The following HSP90AA1 variants were observed in gnomAD, a reference collection of about 807,000 sequenced individuals.
HSP90AA1 encodes the protein heat shock protein HSP 90-alpha.
A neutral mutation model predicts 73.3 loss-of-function variants in HSP90AA1; 18 were observed. The ratio of observed to expected loss-of-function variants is 0.25; its 90% CI spans 0.17 to 0.36. The LOEUF is 0.36. Ranked by LOEUF, HSP90AA1 falls within the 10% of genes least tolerant of loss-of-function variation. The pLI is 1.00. For synonymous variants in HSP90AA1, 477 were observed against 296.9 expected, an observed-to-expected ratio of 1.61 and a Z score of -6.24; for missense variants, 704 against 874.2, an observed-to-expected ratio of 0.81 and a Z score of 2.45.
Position 102,082,171 on chromosome 14 carries a change from T to C in HSP90AA1, c.2029A>G (p.Ser677Gly). The change falls in exon 10 of 11, where the codon AGT becomes GGT. Residue 677 changes from serine (S) to glycine (G), a missense_variant. Physicochemically the swap from Ser to Gly is moderately conservative, Grantham distance 56 (BLOSUM62 0). Coordinates refer to ENST00000216281, the MANE Select transcript of HSP90AA1 (RefSeq NM_005348.4). The part of the protein sequence containing the change: ...YETALLSSGF[S>G]LEDPQTHANR... The stretch of plus-strand genomic sequence containing the variant: ...GCATGTGTCTGGGGATCTTCCAGAC[T>C]GAAGCCAGAAGACAGGAGCGCAGTT... 6.2e-7 allele frequency: 1 copy of C among 1,613,992 alleles called. No individual in the cohort carries two copies. Among genetic ancestry groups the C allele is most frequent in the Non-Finnish European group, 8.5e-7 (1 of 1,179,838 alleles).
At position 102,083,020 on chromosome 14, in the gene HSP90AA1, C is replaced by G. The variant is rs570441838; in HGVS notation, c.1755+14G>C. 1 of 1,610,994 alleles carries G rather than the reference C, an allele frequency of 6.2e-7. No homozygotes were observed. Among genetic ancestry groups the G allele is most frequent in the East Asian group, 2.2e-5 (1 of 44,876 alleles). ...TAGAAGTATCAATGATCAGGAAATG[C>G]TGTATTCACATACCTTTTCAACTTT... On this transcript the variant is annotated intron_variant, in intron 9 of 10. Coordinates refer to ENST00000216281, the MANE Select transcript of HSP90AA1 (RefSeq NM_005348.4).
In HSP90AA1 at chr14:102,085,804, A is replaced by C. The variant is rs772787983; in HGVS notation, c.483T>G (p.Ala161=). ...ITKHNDDEQY[A]WESSAGGSFT... is the part of the protein sequence containing the mutation. Reference sequence around the variant, plus strand: ...ATGATCCCCCTGCTGAGGACTCCCAAGCGTACTGCTCATCATCGTTATGTT... The same window carrying C: ...ATGATCCCCCTGCTGAGGACTCCCACGCGTACTGCTCATCATCGTTATGTT... The change falls in exon 3 of 11, where the codon GCT becomes GCG. Residue 161 remains alanine, a synonymous_variant. Transcript: ENST00000216281. The C allele has an allele frequency of 6.2e-7, 1 of 1,613,932 alleles. No homozygotes were observed. Among genetic ancestry groups the C allele is most frequent in the Non-Finnish European group, 8.5e-7 (1 of 1,179,854 alleles).
chr14:102,087,635 C>T (rs1383687740), upstream of HSP90AA1, among the ~76,000 whole-genome samples: 1 of 152,218 alleles, frequency 6.6e-6, no homozygotes, highest in Non-Finnish European at 1.5e-5. Context: ...GCTCTGCCCT[C>T]TGGGGGCTGT....
intron 9 of HSP90AA1, chr14:102,082,708 C>T (rs1381572236): frequency 1.3e-5 from 7 of 519,274 alleles, no homozygotes; most frequent in Non-Finnish European, 2.1e-5. Flanking sequence ...GCAACCTCCG[C>T]CTCCTGGGTT....
chr14:102,085,453 T>C (rs367745665), intron 3 of HSP90AA1, 22 bp from the exon 4 acceptor site: 48 of 1,442,616 alleles, frequency 3.3e-5, no homozygotes, highest in African/African-American at 4.5e-5. Context: ...GAAAGAAAAA[T>C]TGACTTAATA....
chr14:102,112,321 C>T (rs1213915873), intron 1 of HSP90AA1, among the ~76,000 whole-genome samples: 3 of 151,996 alleles, frequency 2.0e-5, no homozygotes, highest in South Asian at 2.1e-4. Context: ...TACAGGTGCC[C>T]GCCACCACAC....
chr14:102,131,294 C>T (rs1360365360), intron 1 of HSP90AA1, among the ~76,000 whole-genome samples: 1 of 152,204 alleles, frequency 6.6e-6, no homozygotes, highest in Admixed American at 6.5e-5. Flanking sequence ...CTCCCACAAG[C>T]CACATCCCAT....
At chr14:102,090,548 C>T (rs1041441737), upstream of HSP90AA1, among the ~76,000 whole-genome samples, 1 of 151,884 alleles carries the variant, frequency 6.6e-6, no homozygotes, top group Non-Finnish European at 1.5e-5. Flanking sequence ...CTCCCGGGTT[C>T]ACGCCATTCT....
chr14:102,082,777 G>T (rs1356894302), intron 9 of HSP90AA1: 9 of 507,922 alleles, frequency 1.8e-5, no homozygotes, highest in Non-Finnish European at 2.8e-5. Context: ...GTGCCACCAC[G>T]CCTGGTTTAT....
chr14:102,139,316 G>A (rs1234745851), exon 1 of HSP90AA1: 3 of 1,613,824 alleles, frequency 1.9e-6, no homozygotes, highest in South Asian at 1.1e-5. Flanking sequence ...ACGGTCGCGC[G>A]GGTATTCAGC....
exon 1 of HSP90AA1, chr14:102,139,358 G>A (rs563330731): frequency 2.6e-5 from 41 of 1,606,920 alleles, no homozygotes; most frequent in Non-Finnish European, 3.3e-5. Flanking sequence ...GTCCCGAAGG[G>A]AGGGCCCAGG....
chr14:102,120,716 G>T (rs1172397611), intron 1 of HSP90AA1, among the ~76,000 whole-genome samples: 2 of 151,962 alleles, frequency 1.3e-5, no homozygotes, highest in Admixed American at 6.6e-5. Context: ...GCTGAGGCGG[G>T]CCGATTACCT....
At chr14:102,134,924 T>C (rs2049964938) in intron 1 of HSP90AA1, among the ~76,000 whole-genome samples, 1 of 152,214 alleles carries the variant, frequency 6.6e-6, no homozygotes, top group Non-Finnish European at 1.5e-5. Flanking sequence ...TGGCCTGTTT[T>C]GTCAGGCCGC....
At chr14:102,091,163 G>A (rs2049353149), upstream of HSP90AA1, among the ~76,000 whole-genome samples, 1 of 152,158 alleles carries the variant, frequency 6.6e-6, no homozygotes, top group Non-Finnish European at 1.5e-5. Context: ...TACTTTGCAT[G>A]CAGTTTCTTA....
rs1237657508 is a variant in HSP90AA1 at position 102,081,483 on chromosome 14, T to C, written c.*229A>G. On this transcript the variant is annotated 3_prime_UTR_variant, in exon 11 of 11. Transcript: ENST00000216281. ...CGTCTTACAGTGCACGTTACCCCAA[T>C]CTGTGAAAATAAACCAACATGAAAC... The C allele has an allele frequency of 1.2e-5, 7 of 586,680 alleles. No individual in the cohort carries two copies. The highest frequency in any genetic ancestry group is 9.1e-4 in the Middle Eastern group (2 of 2,200). The allele number at this position is 586,680 out of a possible 1,614,324, so 36.3% of individuals were successfully genotyped here.
intron 2 of HSP90AA1, among the ~76,000 whole-genome samples, chr14:102,096,895 T>C (rs992490836): frequency 1.3e-5 from 2 of 152,216 alleles, no homozygotes; most frequent in African/African-American, 2.4e-5. Flanking sequence ...ACCTCCAGTA[T>C]AGATCACCAT....
At chr14:102,120,289 G>A (rs1257470631) in intron 1 of HSP90AA1, among the ~76,000 whole-genome samples, 1 of 152,228 alleles carries the variant, frequency 6.6e-6, no homozygotes, top group East Asian at 1.9e-4. Flanking sequence ...AGCTTGGGAG[G>A]ATGAGGGTAC....
At chr14:102,114,002 A>G (rs996373849) in intron 1 of HSP90AA1, among the ~76,000 whole-genome samples, 1 of 151,624 alleles carries the variant, frequency 6.6e-6, no homozygotes, top group Non-Finnish European at 1.5e-5. Flanking sequence ...GAGCCACTGC[A>G]CCCCGCCCCC....
At chr14:102,084,200 C>T (rs536670126) in intron 6 of HSP90AA1, 199 bp downstream of exon 6, 14 of 672,456 alleles carry the variant, frequency 2.1e-5, no homozygotes, top group Admixed American at 5.2e-5. Flanking sequence ...CAGCCTGCCA[C>T]TACATGGGGC....
Sources: gnomAD v4.1 joint callset for allele counts (sites outside exome capture counted in the v4.1 genomes callset) on GRCh38, gnomAD v4.1.1 for gene constraint, MANE v1.5 for transcripts, NCBI Gene and HGNC (gene_info 2026-07-23, HGNC 2026-07-21) for gene names.